Variants in CELF6 observed in about 807,000 individuals in gnomAD.
The protein encoded by CELF6 is CUGBP Elav-like family member 6.
A neutral mutation model predicts 53.1 loss-of-function variants in CELF6; 32 were observed. That is an observed-to-expected ratio of 0.60 (90% CI 0.46 to 0.81). The LOEUF (loss-of-function observed/expected upper bound fraction) is 0.81, where lower values mean the gene tolerates loss of function less well. Ranked by LOEUF, CELF6 falls within the 30% of genes least tolerant of loss-of-function variation. CELF6 has a pLI of 0.00. For synonymous variants in CELF6, 291 were observed against 288.8 expected (o/e 1.01, Z -0.08); for missense variants, 539 against 669.5 (o/e 0.81, Z 2.15).
intron 2 of CELF6, among the ~76,000 whole-genome samples, chr15:72,309,405 A>G (rs1595784534): frequency 6.6e-6 from 1 of 152,188 alleles, no homozygotes. Context: ...GGAAGAATTA[A>G]CTGGGCTATA....
intron 2 of CELF6, among the ~76,000 whole-genome samples, chr15:72,315,355 C>A (rs2088349604): frequency 6.6e-6 from 1 of 152,170 alleles, no homozygotes; most frequent in Non-Finnish European, 1.5e-5. Context: ...TCTCCCCTAA[C>A]TTTAGCCAAG....
chr15:72,304,287 C>A (rs2088196240), intron 3 of CELF6, among the ~76,000 whole-genome samples: 1 of 152,136 alleles, frequency 6.6e-6, no homozygotes, highest in African/African-American at 2.4e-5. Context: ...TCTGTCGTAC[C>A]AGCCTTATCT....
chr15:72,315,985 G>A (rs2912224), intron 1 of CELF6, 58 bp from the exon 2 acceptor site: 22,108 of 1,165,086 alleles, frequency 0.019, 362 homozygotes, highest in African/African-American at 0.075. Context: ...ATTCTTCTTC[G>A]AAATACCCCA....
At chr15:72,313,163 G>A (rs1490355603) in intron 2 of CELF6, among the ~76,000 whole-genome samples, 1 of 152,170 alleles carries the variant, frequency 6.6e-6, no homozygotes, top group East Asian at 1.9e-4. Context: ...ACAGTACAGT[G>A]GTTAAGTGAA....
intron 3 of CELF6, among the ~76,000 whole-genome samples, chr15:72,296,053 C>T (rs879560447): frequency 1.3e-5 from 2 of 152,114 alleles, no homozygotes; most frequent in African/African-American, 4.8e-5. Flanking sequence ...TGGAATAGAA[C>T]AGAAATCCCA....
chr15:72,288,994 C>T lies in CELF6; in HGVS notation c.1031-64G>A, dbSNP rs1033647380. ...GCGGGCGAGCAGAGTGGGTGAGAAG[C>T]TCAGGGAGTGTGGGAGGTGGACGGC... On this transcript the variant is annotated intron_variant, in intron 8 of 12. Coordinates refer to ENST00000287202, the MANE Select transcript of CELF6 (RefSeq NM_052840.5). The surrounding 1 kb of genome is among the most constrained non-coding windows in gnomAD (Gnocchi z 4.6). 2 of 1,451,264 alleles carry T rather than the reference C, an allele frequency of 1.4e-6. No homozygotes were observed. Among genetic ancestry groups the T allele is most frequent in the Middle Eastern group, 1.8e-4 (1 of 5,646 alleles). 89.9% of individuals were successfully genotyped at this position (1,451,264 alleles called of 1,614,324 possible).
At chr15:72,311,190 G>A (rs1013531103) in intron 2 of CELF6, among the ~76,000 whole-genome samples, 6 of 150,514 alleles carry the variant, frequency 4.0e-5, no homozygotes, top group Non-Finnish European at 7.4e-5. Flanking sequence ...TAGTAGAGAC[G>A]GGGTTTCACC....
chr15:72,302,122 A>G (rs2088165421), intron 3 of CELF6, among the ~76,000 whole-genome samples: 1 of 152,242 alleles, frequency 6.6e-6, no homozygotes, highest in Non-Finnish European at 1.5e-5. Flanking sequence ...ATAGCACTGA[A>G]GAAAATACAT....
At chr15:72,313,478 GGAGA>G (rs2088324711) in intron 2 of CELF6, among the ~76,000 whole-genome samples, 1 of 152,192 alleles carries the variant, frequency 6.6e-6, no homozygotes, top group African/African-American at 2.4e-5. Flanking sequence ...GTCTTGTGGA[GGAGA>G]GATTTTTTTC....
At chr15:72,293,089 T>A (rs907012458) in intron 3 of CELF6, among the ~76,000 whole-genome samples, 1 of 152,186 alleles carries the variant, frequency 6.6e-6, no homozygotes, top group African/African-American at 2.4e-5. Context: ...ACTACTGGGA[T>A]GTACAGAGTT....
At chr15:72,308,833 G>A (rs2088263117) in intron 2 of CELF6, among the ~76,000 whole-genome samples, 1 of 151,978 alleles carries the variant, frequency 6.6e-6, no homozygotes, top group South Asian at 2.1e-4. Context: ...TGCCTCCTGA[G>A]TAGCTGGGAT....
intron 2 of CELF6, among the ~76,000 whole-genome samples, chr15:72,306,806 C>T (rs184935720): frequency 7.2e-5 from 11 of 151,956 alleles, no homozygotes; most frequent in Admixed American, 4.6e-4. Flanking sequence ...GGACAGGACC[C>T]GTCCCTGGGC....
Position 72,287,249 on chromosome 15 carries a change from G to C in CELF6, c.*16C>G. On this transcript the variant is annotated 3_prime_UTR_variant, in exon 12 of 13. Transcript: ENST00000287202. The stretch of plus-strand genomic sequence containing the variant: ...ATCAGGGACTCACCTTTCTGTGGCT[G>C]GTCAGTGAAAGCAGGTCAGTAAGGC... 1 of 1,612,862 alleles carries C rather than the reference G, an allele frequency of 6.2e-7. No individual in the cohort carries two copies. Among genetic ancestry groups the C allele is most frequent in the Non-Finnish European group, 8.5e-7 (1 of 1,179,386 alleles).
chr15:72,319,882 C>T lies in CELF6; in HGVS notation c.-8G>A. The T allele has an allele frequency of 6.9e-7, 1 of 1,455,706 alleles. No individual in the cohort carries two copies. The highest frequency in any genetic ancestry group is 1.4e-5 in the South Asian group (1 of 70,274). The allele number at this position is 1,455,706 out of a possible 1,614,324, so 90.2% of individuals were successfully genotyped here. On this transcript the variant is annotated 5_prime_UTR_variant, in exon 1 of 13. Coordinates refer to ENST00000287202, the MANE Select transcript of CELF6 (RefSeq NM_052840.5). The surrounding 1 kb of genome is among the most constrained non-coding windows in gnomAD (Gnocchi z 5.0). ...TCCCGGCGCCGCGGCCATGTCCCCG[C>T]CCTGTCAGCCCTCCCGCCGGTCCCA...
chr15:72,289,436 C>G lies in CELF6; in HGVS notation c.819G>C (p.Ala273=), dbSNP rs932635977. Residue 273 remains alanine, a synonymous_variant, in exon 7 of 13, where the codon GCG becomes GCC. Coordinates refer to ENST00000287202, the MANE Select transcript of CELF6 (RefSeq NM_052840.5). The surrounding 1 kb of genome is among the most constrained non-coding windows in gnomAD (Gnocchi z 7.6). ...GPGLGPVAAV[A]AQMQHVAAFS... is the part of the protein sequence containing the mutation. ...AGGCCGCCACGTGTTGCATCTGGGC[C>G]GCCACTGCCGCCACCGGGCCTAGGC... 6.5e-7 allele frequency: 1 copy of G among 1,544,470 alleles called. No homozygotes were observed. Among genetic ancestry groups the G allele is most frequent in the Non-Finnish European group, 8.7e-7 (1 of 1,152,298 alleles).
intron 2 of CELF6, among the ~76,000 whole-genome samples, chr15:72,309,181 G>A (rs2088267090): frequency 6.6e-6 from 1 of 152,132 alleles, no homozygotes; most frequent in Non-Finnish European, 1.5e-5. Context: ...TCAAAGTGCT[G>A]GGATTACAGG....
chr15:72,320,067 G>GC lies in CELF6; in HGVS notation c.-194_-193insG, dbSNP rs772307527. 70 of 634,640 alleles carry GC rather than the reference G, an allele frequency of 1.1e-4. 1 individual carries two copies. The highest frequency in any genetic ancestry group is 1.0e-3 in the South Asian group (67 of 65,494). 39.3% of individuals were successfully genotyped at this position (634,640 alleles called of 1,614,324 possible). On this transcript the variant is annotated 5_prime_UTR_variant, in exon 1 of 13. Transcript: ENST00000287202. ...GCGGGCAGGAAAGGGGCGGGGCCGG[G>GC]GCGGGGCGGGCCCGGGCCGAGGTGG...
chr15:72,286,818 C>T (rs2087928568), intron 12 of CELF6, among the ~76,000 whole-genome samples: 1 of 152,224 alleles, frequency 6.6e-6, no homozygotes, highest in Admixed American at 6.5e-5. Flanking sequence ...CCTTTCTCTG[C>T]TTAAGCTCCT....
intron 3 of CELF6, among the ~76,000 whole-genome samples, chr15:72,299,152 T>C (rs1443748976): frequency 1.4e-5 from 2 of 142,024 alleles, no homozygotes; most frequent in African/African-American, 2.8e-5. Context: ...AGTTGTACCT[T>C]GCAGTGAGCC....
Sources: allele counts gnomAD v4.1 joint callset (sites outside exome capture counted in the v4.1 genomes callset), GRCh38; gene constraint gnomAD v4.1.1; non-coding constraint Gnocchi (gnomAD v3.1); transcripts MANE v1.5; gene names NCBI Gene and HGNC (gene_info 2026-07-23, HGNC 2026-07-21).